Variants in NAALADL2 observed in about 807,000 individuals in gnomAD.
NAALADL2 encodes the protein N-acetylated alpha-linked acidic dipeptidase like 2.
A neutral mutation model predicts 87.2 loss-of-function variants in NAALADL2; 76 were observed. The observed-to-expected ratio is 0.87, with a 90% confidence interval of 0.72 to 1.05. The LOEUF (loss-of-function observed/expected upper bound fraction) is 1.05, where lower values mean the gene tolerates loss of function less well. Ranked by LOEUF, NAALADL2 falls within the 50% of genes least tolerant of loss-of-function variation. The pLI is 0.00. For missense variants in NAALADL2, 1,089 were observed against 945.8 expected, an observed-to-expected ratio of 1.15 and a Z score of -1.99; for synonymous variants, 354 against 331.0, an observed-to-expected ratio of 1.07 and a Z score of -0.75.
At position 174,625,294 on chromosome 3, in the gene NAALADL2, G is replaced by A. The variant is rs910406761; in HGVS notation, c.-115+74657G>A. ...GCTGGTCTCCAACTCCTGTGCTCAAGTGATCTGCCAACCTCAGCCTCCCAA... is the reference window on the plus strand; with the variant it reads ...GCTGGTCTCCAACTCCTGTGCTCAAATGATCTGCCAACCTCAGCCTCCCAA... On this transcript the variant is annotated intron_variant, in intron 2 of 3. Transcript: ENST00000434257. 2.0e-5 allele frequency among the ~76,000 whole-genome samples: 3 copies of A among 152,022 alleles called. No individual in the cohort carries two copies. In the South Asian group the frequency reaches 6.2e-4, roughly 31 times the overall value.
intron 11 of NAALADL2, among the ~76,000 whole-genome samples, chr3:175,662,718 A>T (rs1038381450): frequency 6.6e-6 from 1 of 151,968 alleles, no homozygotes; most frequent in Admixed American, 6.6e-5. Flanking sequence ...GTTGAATTTT[A>T]TCAAATGCTT....
At chr3:175,460,345 T>TCA (rs1380294062) in intron 6 of NAALADL2, among the ~76,000 whole-genome samples, 2 of 152,192 alleles carry the variant, frequency 1.3e-5, no homozygotes, top group African/African-American at 4.8e-5. Flanking sequence ...AGCACATGCA[T>TCA]GAGGATGTAA....
At chr3:174,845,962 T>C (rs1724575315) in intron 3 of NAALADL2, among the ~76,000 whole-genome samples, 2 of 152,102 alleles carry the variant, frequency 1.3e-5, no homozygotes, top group Admixed American at 6.5e-5. Flanking sequence ...CACCATGGTG[T>C]ATCAGCTCAG....
chr3:175,747,831 C>T (rs996734450), intron 12 of NAALADL2, among the ~76,000 whole-genome samples: 2 of 152,112 alleles, frequency 1.3e-5, no homozygotes, highest in Non-Finnish European at 2.9e-5. Flanking sequence ...CAGTCACAAA[C>T]GTAACCCAGT....
chr3:174,839,265 T>C (rs184404147), intron 3 of NAALADL2, among the ~76,000 whole-genome samples: 24 of 152,174 alleles, frequency 1.6e-4, no homozygotes, highest in Admixed American at 9.8e-4. Flanking sequence ...ATTCAACAAA[T>C]GGTACTGGGA....
chr3:174,931,297 G>A (rs1206497900), intron 1 of NAALADL2, among the ~76,000 whole-genome samples: 4 of 152,118 alleles, frequency 2.6e-5, no homozygotes, highest in Non-Finnish European at 5.9e-5. Flanking sequence ...GGGTTCTGGA[G>A]CCAGGTACCT....
intron 4 of NAALADL2, among the ~76,000 whole-genome samples, chr3:175,259,766 G>A (rs937065871): frequency 4.6e-5 from 7 of 152,128 alleles, no homozygotes; most frequent in South Asian, 2.1e-4. Context: ...TAACCTGGCC[G>A]GTCATGGTGG....
intron 2 of NAALADL2, among the ~76,000 whole-genome samples, chr3:174,680,322 A>G (rs892236186): frequency 1.3e-5 from 2 of 152,216 alleles, no homozygotes; most frequent in Non-Finnish European, 2.9e-5. Context: ...CAAAAGCTAG[A>G]TAATCTCATC....
At chr3:174,567,826 G>A (rs1240245176) in intron 2 of NAALADL2, among the ~76,000 whole-genome samples, 1 of 151,598 alleles carries the variant, frequency 6.6e-6, no homozygotes, top group Non-Finnish European at 1.5e-5. Context: ...AAATGAAATA[G>A]TGATAGTTAT....
At chr3:174,823,983 T>C (rs1045163687) in intron 3 of NAALADL2, among the ~76,000 whole-genome samples, 1 of 152,214 alleles carries the variant, frequency 6.6e-6, no homozygotes, top group Non-Finnish European at 1.5e-5. Flanking sequence ...ATTCTTAGTA[T>C]CTTCTATGAG....
At chr3:174,630,421 A>T (rs1578370553) in intron 2 of NAALADL2, among the ~76,000 whole-genome samples, 1 of 152,216 alleles carries the variant, frequency 6.6e-6, no homozygotes, top group Non-Finnish European at 1.5e-5. Flanking sequence ...ATAAGCCAGT[A>T]TGATTTCTGC....
chr3:174,897,289 G>A (rs1009735618), intron 1 of NAALADL2, among the ~76,000 whole-genome samples: 1 of 151,564 alleles, frequency 6.6e-6, no homozygotes, highest in Non-Finnish European at 1.5e-5. Flanking sequence ...TTAATAGCCA[G>A]ATTATATAAG....
In NAALADL2 at chr3:174,810,497, CT is replaced by C. The variant is rs576613172; in HGVS notation, c.-9+72753del. ...CCCTAGGGATCTGTGGAACTTTGAACTTGAGAACAACCATTTAGGGCATTTG... is the reference window on the plus strand; with the variant it reads ...CCCTAGGGATCTGTGGAACTTTGAACTGAGAACAACCATTTAGGGCATTTG... On this transcript the variant is annotated intron_variant, in intron 3 of 3. Transcript: ENST00000434257. 4.6e-5 allele frequency among the ~76,000 whole-genome samples: 7 copies of C among 151,618 alleles called. No individual in the cohort carries two copies. In the South Asian group the frequency reaches 1.5e-3, roughly 32 times the overall value.
At position 175,436,007 on chromosome 3, in the gene NAALADL2, C is replaced by G. The variant is rs566935769; in HGVS notation, c.1091-11222C>G. ...CAATGCTATCCCTCCCCCCTCCCCC[C>G]ACCCCACCACAGTCCCCAGAGTGTG... On this transcript the variant is annotated intron_variant, in intron 5 of 13. Transcript: ENST00000454872. 2.5e-5 allele frequency among the ~76,000 whole-genome samples: 3 copies of G among 119,430 alleles called. No homozygotes were observed. The Admixed American group carries it at 2.8e-4, about 11-fold the overall frequency. The allele number at this position is 119,430 out of a possible 152,430, so 78.4% of individuals were successfully genotyped here.
At chr3:175,120,216 A>T (rs961980573) in intron 2 of NAALADL2, among the ~76,000 whole-genome samples, 73 of 151,740 alleles carry the variant, frequency 4.8e-4, no homozygotes, top group African/African-American at 1.6e-3. Context: ...TTTTCCATGT[A>T]GACATTTTAC....
chr3:174,973,622 G>A (rs550752417), intron 1 of NAALADL2, among the ~76,000 whole-genome samples: 4 of 152,280 alleles, frequency 2.6e-5, no homozygotes, highest in African/African-American at 9.6e-5. Context: ...TTGTTAGGCA[G>A]TTCCGTCATT....
At chr3:175,588,534 CTTTTTTTTTTTT>C (rs1168817019) in intron 10 of NAALADL2, among the ~76,000 whole-genome samples, 4 of 78,142 alleles carry the variant, frequency 5.1e-5, no homozygotes, top group Admixed American at 3.4e-4. Context: ...TCTTTCTTTT[CTTTTTTTTTTTT>C]TTTTTTTTTT....
intron 2 of NAALADL2, chr3:175,124,609 C>A (rs61500727): frequency 0.35 from 53,587 of 151,772 alleles, 9,714 homozygotes; most frequent in East Asian, 0.44. Context: ...GCTTTTCAAA[C>A]TTCTTTATGG....
chr3:175,691,901 T>A (rs1377325636), intron 11 of NAALADL2, among the ~76,000 whole-genome samples: 3 of 152,188 alleles, frequency 2.0e-5, no homozygotes, highest in Admixed American at 2.0e-4. Context: ...TTTCTGCTTT[T>A]TAAAGGGTAA....
Sources: gnomAD v4.1 joint callset for allele counts (sites outside exome capture counted in the v4.1 genomes callset) on GRCh38, gnomAD v4.1.1 for gene constraint, MANE v1.5 for transcripts, NCBI Gene and HGNC (gene_info 2026-07-23, HGNC 2026-07-21) for gene names.